FAM13A: variants seen among roughly 807,000 people sequenced by gnomAD.
FAM13A encodes protein FAM13A.
FAM13A carries 76 observed loss-of-function variants against 129.6 expected under a neutral mutation model. The observed-to-expected ratio is 0.59, with a 90% CI of 0.49 to 0.71. The LOEUF (loss-of-function observed/expected upper bound fraction) is 0.71. Among genes scored for constraint, FAM13A ranks in the 30% least tolerant of loss-of-function variants. The probability of loss-of-function intolerance (pLI) is 0.00; values close to 1 mark genes in which losing one functional copy is unlikely to be tolerated. For synonymous variants in FAM13A, 443 were observed against 449.9 expected (o/e 0.98, Z 0.20); for missense variants, 1,108 against 1,249.3 (o/e 0.89, Z 1.70).
intron 2 of FAM13A, among the ~76,000 whole-genome samples, chr4:89,021,356 C>G (rs554135496): frequency 2.0e-5 from 3 of 152,240 alleles, no homozygotes; most frequent in African/African-American, 7.2e-5. Context: ...TTTCTTGGGC[C>G]CTTTACAAGC....
At chr4:88,997,321 A>G (rs149336864) in intron 3 of FAM13A, among the ~76,000 whole-genome samples, 1 of 152,202 alleles carries the variant, frequency 6.6e-6, no homozygotes. Flanking sequence ...GACAAAAACT[A>G]TCTCTCTCCA....
intron 23 of FAM13A, chr4:88,729,080 TC>T (rs111874270): frequency 0.053 from 7,849 of 146,940 alleles, 470 homozygotes; most frequent in African/African-American, 0.17. Flanking sequence ...TTTTTTTTTT[TC>T]CAAAAACAGA....
chr4:88,825,698 C>G (rs73842249), intron 7 of FAM13A, among the ~76,000 whole-genome samples: 40,033 of 152,030 alleles, frequency 0.26, 6,033 homozygotes, highest in East Asian at 0.62. Flanking sequence ...CTACAACACT[C>G]AATACATTCA....
chr4:88,995,717 T>C (rs1763454349), intron 3 of FAM13A, among the ~76,000 whole-genome samples: 1 of 152,152 alleles, frequency 6.6e-6, no homozygotes, highest in Admixed American at 6.5e-5. Flanking sequence ...ATTGTGGGAC[T>C]TCACCTTGTG....
chr4:88,992,291 A>T (rs1763012469), intron 3 of FAM13A, among the ~76,000 whole-genome samples: 1 of 148,318 alleles, frequency 6.7e-6, no homozygotes. Context: ...TTTTTTAAGG[A>T]GTCTCGCTCT....
chr4:88,756,248 A>G (rs1158479412), intron 14 of FAM13A, among the ~76,000 whole-genome samples: 1 of 152,366 alleles, frequency 6.6e-6, no homozygotes, highest in East Asian at 1.9e-4. Context: ...GTATTTGCCA[A>G]TAAGCATGAC....
chr4:89,023,844 A>AC (rs1191576150), intron 2 of FAM13A, among the ~76,000 whole-genome samples: 2 of 150,354 alleles, frequency 1.3e-5, no homozygotes, highest in African/African-American at 4.9e-5. Flanking sequence ...TATAGCCAGT[A>AC]CCCACATGAG....
intron 7 of FAM13A, among the ~76,000 whole-genome samples, chr4:88,815,887 G>A (rs1730626475): frequency 6.6e-6 from 1 of 151,706 alleles, no homozygotes; most frequent in East Asian, 1.9e-4. Context: ...TATCCCTAGT[G>A]TATAAACTAC....
At position 88,899,730 on chromosome 4, in the gene FAM13A, C is replaced by T. The variant is rs1561285498; in HGVS notation, c.843+6649G>A. 2.6e-5 allele frequency among the ~76,000 whole-genome samples: 4 copies of T among 152,026 alleles called. No homozygotes were observed. In the South Asian group the frequency reaches 8.3e-4, roughly 32 times the overall value. The stretch of plus-strand genomic sequence containing the variant: ...TCAAAAAGCTAGAGTGTCTCTTCTC[C>T]AAATGACTGCAACACCTCTCCAGCA... On this transcript the variant is annotated intron_variant, in intron 6 of 23. Coordinates refer to ENST00000264344, the MANE Select transcript of FAM13A (RefSeq NM_014883.4).
At chr4:88,793,180 C>A (rs1334323689) in intron 8 of FAM13A, among the ~76,000 whole-genome samples, 3 of 151,864 alleles carry the variant, frequency 2.0e-5, no homozygotes, top group African/African-American at 7.3e-5. Context: ...TTAAATATCC[C>A]AATAATGATT....
chr4:89,022,878 A>G (rs892244943), intron 2 of FAM13A, among the ~76,000 whole-genome samples: 8 of 152,110 alleles, frequency 5.3e-5, no homozygotes, highest in African/African-American at 1.9e-4. Flanking sequence ...TCAACAGCTC[A>G]CAAGTAACAG....
chr4:88,991,059 C>G lies in FAM13A; in HGVS notation c.519G>C (p.Gln173His), dbSNP rs1355344673. 1 of 1,613,912 alleles carries G rather than the reference C, an allele frequency of 6.2e-7. No individual in the cohort carries two copies. Among genetic ancestry groups the G allele is most frequent in the South Asian group, 1.1e-5 (1 of 91,076 alleles). ...THYCLLKYLC[Q>H]FLTKVAKHHV... ...GATGCTTGGCTACTTTTGTCAAGAA[C>G]TGGCAAAGGTACTTGAGGAGGCAGT... is the stretch of plus-strand genomic sequence containing the variant. Residue 173 changes from glutamine to histidine, a missense_variant, in exon 4 of 24, where the codon CAG (glutamine) becomes CAC (histidine). Physicochemically the swap from Gln to His is conservative, Grantham distance 24. Around this residue, in one of 3 missense-constraint regions of FAM13A, gnomAD observed 566 missense variants for 595.7 expected, o/e 0.95. Transcript: ENST00000264344.
chr4:89,039,727 A>T (rs1211434262), intron 1 of FAM13A, among the ~76,000 whole-genome samples: 7 of 152,046 alleles, frequency 4.6e-5, no homozygotes, highest in Non-Finnish European at 1.0e-4. Flanking sequence ...TGACATCAAA[A>T]AAAGGGGTGA....
At chr4:88,833,327 A>T (rs768603628) in intron 7 of FAM13A, among the ~76,000 whole-genome samples, 3 of 152,122 alleles carry the variant, frequency 2.0e-5, no homozygotes, top group African/African-American at 2.4e-5. Context: ...GCATACGTTT[A>T]CCTATATAAA....
intron 5 of FAM13A, among the ~76,000 whole-genome samples, chr4:88,918,201 C>T (rs1197440454): frequency 3.3e-5 from 5 of 152,102 alleles, no homozygotes; most frequent in African/African-American, 1.2e-4. Context: ...TGTGGGCACT[C>T]GAGAAAATTT....
chr4:88,909,762 G>A (rs567714081), intron 5 of FAM13A, among the ~76,000 whole-genome samples: 1 of 152,278 alleles, frequency 6.6e-6, no homozygotes, highest in South Asian at 2.1e-4. Context: ...TGGGATTACA[G>A]AAGTGAGCCA....
At position 88,726,816 on chromosome 4, in the gene FAM13A, T is replaced by C. The variant is rs1333940096; in HGVS notation, c.*1717A>G. The C allele has an allele frequency of 6.6e-6, 1 of 152,648 alleles. No homozygotes were observed. The highest frequency in any genetic ancestry group is 1.9e-4 in the East Asian group (1 of 5,196). The allele number at this position is 152,648 out of a possible 1,614,324, so 9.5% of individuals were successfully genotyped here. On this transcript the variant is annotated 3_prime_UTR_variant, in exon 24 of 24. Transcript: ENST00000264344. ...ATATTTTTATGTACATTTAAACCTGTAGGATTATGTACCGTCTTTGTGTAT... is the reference window on the plus strand; with the variant it reads ...ATATTTTTATGTACATTTAAACCTGCAGGATTATGTACCGTCTTTGTGTAT...
intron 4 of FAM13A, among the ~76,000 whole-genome samples, chr4:88,980,160 CT>C (rs1761471289): frequency 6.6e-6 from 1 of 152,102 alleles, no homozygotes; most frequent in South Asian, 2.1e-4. Flanking sequence ...AGTAGTATTA[CT>C]TTATTATCCC....
At chr4:89,013,608 C>A (rs1301865494) in intron 3 of FAM13A, among the ~76,000 whole-genome samples, 2 of 152,082 alleles carry the variant, frequency 1.3e-5, no homozygotes, top group East Asian at 3.9e-4. Context: ...GATGTCATAG[C>A]CATCATAACG....
Sources: allele counts gnomAD v4.1 joint callset (sites outside exome capture counted in the v4.1 genomes callset), GRCh38; gene constraint gnomAD v4.1.1; regional missense constraint gnomAD v4.1.1; transcripts MANE v1.5; gene names NCBI Gene and HGNC (gene_info 2026-07-23, HGNC 2026-07-21).